PLXDC2: variants seen among roughly 807,000 people sequenced by gnomAD.
PLXDC2 encodes plexin domain containing 2, also known as plexin domain-containing protein 2.
A neutral mutation model predicts 68.9 loss-of-function variants in PLXDC2; 40 were observed. That is an observed-to-expected ratio of 0.58 (90% CI 0.45 to 0.76). The LOEUF is 0.76. Ranked by LOEUF, PLXDC2 falls within the 30% of genes least tolerant of loss-of-function variation. PLXDC2 has a pLI of 0.00. For synonymous variants in PLXDC2, 243 were observed against 234.2 expected (o/e 1.04, Z -0.34); for missense variants, 644 against 661.9 (o/e 0.97, Z 0.30).
At position 20,200,841 on chromosome 10, in the gene PLXDC2, A is replaced by G. The variant is rs1022802494; in HGVS notation, c.1062-10828A>G. 7.2e-5 allele frequency among the ~76,000 whole-genome samples: 11 copies of G among 152,210 alleles called. No homozygotes were observed. In the East Asian group the frequency reaches 1.9e-3, roughly 27 times the overall value. On this transcript the variant is annotated intron_variant, in intron 9 of 13. Transcript: ENST00000377252. Reference sequence around the variant, plus strand: ...CCACAATGAGGTATCATCTCACCCCAGTTAGAGTAGCTATCATCAAAAAGA... The same window carrying G: ...CCACAATGAGGTATCATCTCACCCCGGTTAGAGTAGCTATCATCAAAAAGA...
chr10:20,243,728 G>A lies in PLXDC2; in HGVS notation c.1313-1617G>A, dbSNP rs200905730. Among the ~76,000 whole-genome samples the A allele has an allele frequency of 3.9e-5, 6 of 152,216 alleles. No individual in the cohort carries two copies. The East Asian group carries it at 1.2e-3, about 29-fold the overall frequency. On this transcript the variant is annotated intron_variant, in intron 12 of 13. Coordinates refer to ENST00000377252, the MANE Select transcript of PLXDC2 (RefSeq NM_032812.9). ...AGACAAAAAAAGCTTATAACATAGA[G>A]GCAAATGGTAAAAATAACGAAGAGG... is the stretch of plus-strand genomic sequence containing the variant.
intron 1 of PLXDC2, among the ~76,000 whole-genome samples, chr10:19,887,809 G>A (rs551951637): frequency 6.6e-6 from 1 of 152,304 alleles, no homozygotes; most frequent in South Asian, 2.1e-4. Context: ...TGACACATAA[G>A]TAAGAGTAAA....
chr10:20,149,247 T>G (rs1834120961), intron 6 of PLXDC2, among the ~76,000 whole-genome samples: 1 of 132,440 alleles, frequency 7.6e-6, no homozygotes, highest in African/African-American at 2.8e-5. Context: ...TTTTTTTTTT[T>G]TTTTTTTTGA....
chr10:20,006,521 A>T (rs1835030908), intron 2 of PLXDC2, among the ~76,000 whole-genome samples: 1 of 150,118 alleles, frequency 6.7e-6, no homozygotes, highest in African/African-American at 2.5e-5. Context: ...GGTATTCCTC[A>T]GATGTTCTCC....
rs541547421 is a variant in PLXDC2 at position 20,278,317 on chromosome 10, A to G, written c.1474-1386A>G. Among the ~76,000 whole-genome samples the G allele has an allele frequency of 4.6e-5, 7 of 152,280 alleles. No individual in the cohort carries two copies. The South Asian group carries it at 8.3e-4, about 18-fold the overall frequency. On this transcript the variant is annotated intron_variant, in intron 13 of 13. Transcript: ENST00000377252. Reference sequence around the variant, plus strand: ...AGTCACTAAAACCAGAGTTGGGGCTATAAGTAGTGAGCACTGCAACATGTC... The same window carrying G: ...AGTCACTAAAACCAGAGTTGGGGCTGTAAGTAGTGAGCACTGCAACATGTC...
chr10:19,967,798 A>G (rs966128208), intron 1 of PLXDC2, among the ~76,000 whole-genome samples: 1 of 152,228 alleles, frequency 6.6e-6, no homozygotes, highest in Non-Finnish European at 1.5e-5. Context: ...TGAATGTAGC[A>G]TTAGGCTATA....
intron 4 of PLXDC2, among the ~76,000 whole-genome samples, chr10:20,082,071 A>AAAAAAAAAAAG (rs1836575644): frequency 1.6e-5 from 2 of 126,824 alleles, no homozygotes; most frequent in African/African-American, 2.6e-5. Context: ...AATCAAAAAA[A>AAAAAAAAAAAG]AAAAACAGGA....
intron 4 of PLXDC2, among the ~76,000 whole-genome samples, chr10:20,111,266 C>T (rs1833556942): frequency 1.3e-5 from 2 of 152,160 alleles, no homozygotes; most frequent in South Asian, 4.1e-4. Flanking sequence ...ACTTTCACAT[C>T]AGCTTATTAA....
chr10:20,087,626 T>C (rs1564310826), intron 4 of PLXDC2, among the ~76,000 whole-genome samples: 1 of 152,202 alleles, frequency 6.6e-6, no homozygotes, highest in Non-Finnish European at 1.5e-5. Context: ...AGTTAAGCCT[T>C]GACTTGCTGG....
chr10:19,888,088 A>T (rs1248783383), intron 1 of PLXDC2, among the ~76,000 whole-genome samples: 3 of 152,246 alleles, frequency 2.0e-5, no homozygotes, highest in African/African-American at 7.2e-5. Context: ...GAAATTGTTA[A>T]TGAATTTGCT....
chr10:20,050,826 C>T (rs1014331386), intron 3 of PLXDC2, among the ~76,000 whole-genome samples: 6 of 151,982 alleles, frequency 3.9e-5, no homozygotes, highest in Non-Finnish European at 8.8e-5. Context: ...AGAAGTATGG[C>T]GATTCCTCAA....
chr10:20,257,997 C>CTTTTTTTTTTTTTTTTTTTTTTTTTTT (rs550997528), intron 13 of PLXDC2, among the ~76,000 whole-genome samples: 5 of 84,356 alleles, frequency 5.9e-5, no homozygotes, highest in East Asian at 2.9e-4. Context: ...TTTTTTCTTT[C>CTTTTTTTTTTTTTTTTTTTTTTTTTTT]TTTTTTTTTT....
intron 7 of PLXDC2, among the ~76,000 whole-genome samples, chr10:20,173,595 TTCTC>T (rs138710949): frequency 9.5e-4 from 145 of 152,340 alleles, no homozygotes; most frequent in African/African-American, 3.4e-3. Flanking sequence ...CGATCACATT[TTCTC>T]TCTGTGTGTT....
At chr10:19,848,094 A>G (rs1422330228) in intron 1 of PLXDC2, among the ~76,000 whole-genome samples, 3 of 152,124 alleles carry the variant, frequency 2.0e-5, no homozygotes, top group Non-Finnish European at 2.9e-5. Flanking sequence ...CTGAGGCAGG[A>G]GGATCACTTG....
At chr10:20,151,600 A>G (rs1018878831) in intron 6 of PLXDC2, among the ~76,000 whole-genome samples, 28 of 152,158 alleles carry the variant, frequency 1.8e-4, no homozygotes, top group African/African-American at 6.8e-4. Flanking sequence ...AAAACAATTC[A>G]CAAATCTATG....
At chr10:20,132,369 T>C (rs1833878472) in intron 4 of PLXDC2, among the ~76,000 whole-genome samples, 1 of 152,218 alleles carries the variant, frequency 6.6e-6, no homozygotes, top group African/African-American at 2.4e-5. Context: ...CATTTGGTCT[T>C]CAGTCTTGTT....
intron 2 of PLXDC2, among the ~76,000 whole-genome samples, chr10:20,038,563 G>A (rs1835621274): frequency 6.6e-6 from 1 of 152,082 alleles, no homozygotes; most frequent in Admixed American, 6.6e-5. Flanking sequence ...ATTTGATGAT[G>A]GGTACTGAAG....
intron 1 of PLXDC2, among the ~76,000 whole-genome samples, chr10:19,888,224 A>G (rs1250196548): frequency 6.6e-6 from 1 of 152,256 alleles, no homozygotes; most frequent in Non-Finnish European, 1.5e-5. Flanking sequence ...ACAAATATTT[A>G]TTGAACTGGG....
In PLXDC2 at chr10:20,001,987, G is replaced by A. The variant is rs1328897754; in HGVS notation, c.324+1G>A. 1 of 1,610,714 alleles carries A rather than the reference G, an allele frequency of 6.2e-7. No homozygotes were observed. Among genetic ancestry groups the A allele is most frequent in the Non-Finnish European group, 8.5e-7 (1 of 1,179,210 alleles). ...GCAGGACAATAACACTCAGATCGAG[G>A]TAGATAAATAGTCTGGGTAATTGAA... On this transcript the variant is annotated splice_donor_variant, in intron 2 of 13. Transcript: ENST00000377252. LOFTEE classifies it high-confidence loss of function.
Sources: gnomAD v4.1 joint callset for allele counts (sites outside exome capture counted in the v4.1 genomes callset) on GRCh38, gnomAD v4.1.1 for gene constraint, MANE v1.5 for transcripts, NCBI Gene and HGNC (gene_info 2026-07-23, HGNC 2026-07-21) for gene names.